TTC29: variants seen among roughly 807,000 people sequenced by gnomAD.
TTC29 encodes tetratricopeptide repeat protein 29.
Under a neutral mutation model 58.1 loss-of-function variants are expected in TTC29, and 49 were observed. That is an observed-to-expected ratio of 0.84 (90% CI 0.67 to 1.07). The LOEUF is 1.07. Ranked by LOEUF, TTC29 falls within the 50% of genes least tolerant of loss-of-function variation. The pLI is 0.00. For missense variants in TTC29, 582 were observed against 555.6 expected (o/e 1.05, Z -0.48); for synonymous variants, 209 against 196.8 (o/e 1.06, Z -0.52).
intron 11 of TTC29, among the ~76,000 whole-genome samples, chr4:146,720,152 C>T (rs1392117195): frequency 6.6e-6 from 1 of 151,768 alleles, no homozygotes; most frequent in Non-Finnish European, 1.5e-5. Context: ...AAATAAATAC[C>T]ATAAACATGT....
intron 6 of TTC29, among the ~76,000 whole-genome samples, chr4:146,880,177 G>A (rs1342573908): frequency 1.3e-5 from 2 of 152,150 alleles, no homozygotes; most frequent in African/African-American, 2.4e-5. Flanking sequence ...ATAATACGAA[G>A]TAGGATCAGA....
intron 4 of TTC29, among the ~76,000 whole-genome samples, chr4:146,926,455 T>C (rs1203641971): frequency 6.6e-6 from 1 of 152,138 alleles, no homozygotes; most frequent in African/African-American, 2.4e-5. Flanking sequence ...AGCTGTGTAA[T>C]ACAAAGGTTT....
intron 11 of TTC29, among the ~76,000 whole-genome samples, chr4:146,715,282 A>G (rs1941454221): frequency 6.6e-6 from 1 of 152,212 alleles, no homozygotes; most frequent in African/African-American, 2.4e-5. Context: ...AGGAAATAAA[A>G]TAAATACATT....
intron 11 of TTC29, among the ~76,000 whole-genome samples, chr4:146,770,310 A>C (rs745461023): frequency 6.6e-6 from 1 of 151,836 alleles, no homozygotes; most frequent in African/African-American, 2.4e-5. Flanking sequence ...GAGCTTCTGC[A>C]TTTCTCAAAA....
chr4:146,857,455 GA>G (rs1292348212), intron 8 of TTC29, among the ~76,000 whole-genome samples: 1 of 151,964 alleles, frequency 6.6e-6, no homozygotes, highest in Non-Finnish European at 1.5e-5. Flanking sequence ...TGTAAAGCAG[GA>G]AAATGACTGC....
intron 11 of TTC29, among the ~76,000 whole-genome samples, chr4:146,778,976 C>CAAGAAAAAAAAAAAAA (rs1748341900): frequency 3.5e-5 from 1 of 28,538 alleles, no homozygotes. Context: ...CCTAAATAAG[C>CAAGAAAAAAAAAAAAA]AAAAAAAAAA....
intron 9 of TTC29, among the ~76,000 whole-genome samples, chr4:146,832,183 T>G (rs1370950569): frequency 6.6e-6 from 1 of 151,274 alleles, no homozygotes; most frequent in Non-Finnish European, 1.5e-5. Context: ...AATCTTTTTT[T>G]GCTGATTTTT....
intron 11 of TTC29, among the ~76,000 whole-genome samples, chr4:146,780,302 GGTGTGTGTGTGTGTGTGTGTGTGTGT>G (rs57951745): frequency 7.2e-6 from 1 of 138,456 alleles, no homozygotes; most frequent in African/African-American, 2.7e-5. Context: ...CCTAACTTGG[GGTGTGTGTGTGTGTGTGTGTGTGTGT>G]GTGTGTGTGT....
intron 11 of TTC29, among the ~76,000 whole-genome samples, chr4:146,765,792 T>C (rs1019728417): frequency 9.9e-5 from 15 of 152,154 alleles, no homozygotes; most frequent in African/African-American, 3.6e-4. Context: ...ATGATGATGA[T>C]ACTCTATGAC....
At chr4:146,754,316 T>A (rs940822985) in intron 11 of TTC29, among the ~76,000 whole-genome samples, 6 of 152,032 alleles carry the variant, frequency 3.9e-5, no homozygotes, top group African/African-American at 1.4e-4. Flanking sequence ...GAGATTTGGA[T>A]ATCTTTTAAA....
chr4:146,888,432 G>T (rs1344208763), intron 6 of TTC29, among the ~76,000 whole-genome samples: 1 of 152,140 alleles, frequency 6.6e-6, no homozygotes, highest in Non-Finnish European at 1.5e-5. Flanking sequence ...TCCTATGCTG[G>T]TCTGCCTGAG....
intron 11 of TTC29, among the ~76,000 whole-genome samples, chr4:146,708,322 A>ATATATATACATG (rs1742157249): frequency 6.4e-5 from 2 of 31,242 alleles, no homozygotes; most frequent in African/African-American, 1.3e-4. Flanking sequence ...ATATATATAT[A>ATATATATACATG]TATATATATA....
chr4:146,737,264 C>T (rs1485006930), intron 11 of TTC29, among the ~76,000 whole-genome samples: 1 of 151,944 alleles, frequency 6.6e-6, no homozygotes, highest in East Asian at 1.9e-4. Context: ...TTGGGGGATG[C>T]ATTAAAGTAG....
intron 11 of TTC29, among the ~76,000 whole-genome samples, chr4:146,773,843 G>A (rs770246825): frequency 4.6e-5 from 7 of 151,396 alleles, no homozygotes; most frequent in Non-Finnish European, 1.0e-4. Context: ...TATATATCTG[G>A]TAGAATTCAG....
intron 11 of TTC29, among the ~76,000 whole-genome samples, chr4:146,733,901 G>A (rs1178383078): frequency 2.6e-5 from 4 of 152,126 alleles, no homozygotes; most frequent in African/African-American, 9.7e-5. Context: ...TAATATTCAT[G>A]AGACTGTCTA....
chr4:146,749,255 G>A (rs1745785083), intron 11 of TTC29, among the ~76,000 whole-genome samples: 1 of 152,092 alleles, frequency 6.6e-6, no homozygotes, highest in Admixed American at 6.5e-5. Flanking sequence ...AGGCTACTGT[G>A]AGCTGTGATC....
intron 11 of TTC29, among the ~76,000 whole-genome samples, chr4:146,725,202 G>A (rs1178930327): frequency 6.6e-6 from 1 of 152,120 alleles, no homozygotes; most frequent in Admixed American, 6.6e-5. Context: ...TGAAAGAGAT[G>A]CTACTAAAAG....
chr4:146,730,034 A>G (rs1160158454), intron 11 of TTC29, among the ~76,000 whole-genome samples: 2 of 152,020 alleles, frequency 1.3e-5, no homozygotes, highest in Non-Finnish European at 2.9e-5. Flanking sequence ...TTCTTTACAT[A>G]CTAACTTTGT....
chr4:146,945,557 A>T (rs1440794160), intron 1 of TTC29, 152 bp downstream of exon 1: 2 of 152,490 alleles, frequency 1.3e-5, no homozygotes, highest in African/African-American at 4.8e-5. Context: ...TTATTGAGGT[A>T]AGTGGCGAGG....
Sources: gnomAD v4.1 joint callset for allele counts (sites outside exome capture counted in the v4.1 genomes callset) on GRCh38, gnomAD v4.1.1 for gene constraint, MANE v1.5 for transcripts, NCBI Gene and HGNC (gene_info 2026-07-23, HGNC 2026-07-21) for gene names.